Variants in KATNAL1 observed in about 807,000 individuals in gnomAD.
KATNAL1 encodes the protein katanin p60 ATPase-containing subunit A-like 1.
A neutral mutation model predicts 55.2 loss-of-function variants in KATNAL1; 32 were observed. The observed-to-expected ratio is 0.58, with a 90% CI of 0.44 to 0.78. The LOEUF is 0.78. Among genes scored for constraint, KATNAL1 ranks in the 30% least tolerant of loss-of-function variants. The pLI, the probability that KATNAL1 is intolerant of heterozygous loss-of-function variation, is 0.00. For missense variants in KATNAL1, 466 were observed against 600.9 expected, an observed-to-expected ratio of 0.78 and a Z score of 2.35; for synonymous variants, 193 against 193.6, an observed-to-expected ratio of 1.00 and a Z score of 0.02.
chr13:30,282,686 G>A (rs536291633), intron 2 of KATNAL1, among the ~76,000 whole-genome samples: 27 of 151,550 alleles, frequency 1.8e-4, no homozygotes, highest in Non-Finnish European at 2.9e-4. Context: ...CTGGCGTGGT[G>A]GCTCATGCTT....
intron 7 of KATNAL1, 151 bp downstream of exon 7, chr13:30,231,163 C>A: frequency 1.8e-6 from 1 of 541,952 alleles, no homozygotes. Context: ...CCACAAAACC[C>A]ATCACCCCAA....
chr13:30,262,388 T>G (rs1189323075), intron 3 of KATNAL1, among the ~76,000 whole-genome samples: 3 of 151,370 alleles, frequency 2.0e-5, no homozygotes, highest in African/African-American at 7.3e-5. Flanking sequence ...CTGAAGGAAA[T>G]AGAGACACAA....
rs114330398 is a variant in KATNAL1 at position 30,257,470 on chromosome 13, T to C, written c.324-1855A>G. Among the ~76,000 whole-genome samples the C allele has an allele frequency of 9.6e-3, 1,460 of 152,360 alleles. 22 individuals are homozygous for C. The highest frequency in any genetic ancestry group is 0.033 in the African/African-American group (1,361 of 41,594). ...CAACAGCAATCCCATCCCTCCCAGC[T>C]GGATGCCAGGCTGCTTGCCCATGGC... On this transcript the variant is annotated intron_variant, in intron 3 of 10. Coordinates refer to ENST00000380615, the MANE Select transcript of KATNAL1 (RefSeq NM_032116.5).
intron 3 of KATNAL1, among the ~76,000 whole-genome samples, chr13:30,276,351 T>C (rs1208913865): frequency 6.6e-6 from 1 of 152,172 alleles, no homozygotes; most frequent in Non-Finnish European, 1.5e-5. Flanking sequence ...ACAGATTACC[T>C]TGGTAGTCAG....
chr13:30,305,358 A>T (rs1460861551), intron 1 of KATNAL1, among the ~76,000 whole-genome samples: 1 of 152,260 alleles, frequency 6.6e-6, no homozygotes, highest in African/African-American at 2.4e-5. Context: ...CATTTGTCCT[A>T]GAATGACTTT....
At chr13:30,212,446 C>T (rs1873780179) in intron 9 of KATNAL1, among the ~76,000 whole-genome samples, 1 of 152,240 alleles carries the variant, frequency 6.6e-6, no homozygotes, top group African/African-American at 2.4e-5. Flanking sequence ...CCACTCTGTG[C>T]CTGGCTTGCC....
chr13:30,279,050 C>A (rs1881074685), intron 3 of KATNAL1, among the ~76,000 whole-genome samples: 1 of 152,158 alleles, frequency 6.6e-6, no homozygotes, highest in East Asian at 1.9e-4. Context: ...TAGAAAATTT[C>A]AACAGATGAT....
rs1872820226 is a variant in KATNAL1 at position 30,202,979 on chromosome 13, G to C, written c.*5561C>G. ...AAAAATGTGATGTTTTTCCAGGTTT[G>C]TGTGTTTTCATAAAGTTACTCAGGT... On this transcript the variant is annotated 3_prime_UTR_variant, in exon 11 of 11. Transcript: ENST00000380615. 6.6e-6 allele frequency: 1 copy of C among 152,180 alleles called. No individual in the cohort carries two copies. The highest frequency in any genetic ancestry group is 2.1e-4 in the South Asian group (1 of 4,828). 9.4% of individuals were successfully genotyped at this position (152,180 alleles called of 1,614,324 possible). A position where few individuals can be genotyped will look rare whatever the true frequency, so the allele number is the denominator to read the frequency against.
intron 4 of KATNAL1, among the ~76,000 whole-genome samples, chr13:30,251,769 A>C (rs1878343443): frequency 6.6e-6 from 1 of 152,218 alleles, no homozygotes; most frequent in South Asian, 2.1e-4. Flanking sequence ...TAACGTTTGT[A>C]TTTCTAGCAC....
rs143277319 is a variant in KATNAL1 at position 30,205,750 on chromosome 13, CTG to C, written c.*2788_*2789del. On this transcript the variant is annotated 3_prime_UTR_variant, in exon 11 of 11. Transcript: ENST00000380615. ...AACACACTGTCTTCTGCAATAAAGA[CTG>C]TGTGTGTGTGTGTGTGTGTGTGTGT... The C allele has an allele frequency of 0.21, 28,838 of 136,868 alleles. 2,920 individuals are homozygous for C. The highest frequency in any genetic ancestry group is 0.26 in the East Asian group (1,209 of 4,590). 8.5% of individuals were successfully genotyped at this position (136,868 alleles called of 1,614,324 possible).
At chr13:30,288,027 A>C (rs1290964457) in intron 1 of KATNAL1, among the ~76,000 whole-genome samples, 1 of 152,224 alleles carries the variant, frequency 6.6e-6, no homozygotes, top group Non-Finnish European at 1.5e-5. Flanking sequence ...AGGTTGACTA[A>C]GGAGAAGAAT....
In KATNAL1 at chr13:30,239,684, G is replaced by GTTTTTTTTTTTTTTTTTTTTT. The variant is rs1566100241; in HGVS notation, c.726+775_726+776insAAAAAAAAAAAAAAAAAAAAA. The stretch of plus-strand genomic sequence containing the variant: ...AGATATTTTGTAATGATACAGAAGT[G>GTTTTTTTTTTTTTTTTTTTTT]ATTTTTTTTTTTTTTTTTTTGAGAT... On this transcript the variant is annotated intron_variant, in intron 6 of 10. Coordinates refer to ENST00000380615, the MANE Select transcript of KATNAL1 (RefSeq NM_032116.5). 3.1e-5 allele frequency among the ~76,000 whole-genome samples: 4 copies of GTTTTTTTTTTTTTTTTTTTTT among 128,394 alleles called. 1 individual carries two copies. Among genetic ancestry groups the GTTTTTTTTTTTTTTTTTTTTT allele is most frequent in the Non-Finnish European group, 3.2e-5 (2 of 61,554 alleles). The allele number at this position is 128,394 out of a possible 152,430, so 84.2% of individuals were successfully genotyped here.
At chr13:30,259,177 T>C (rs577753665) in intron 3 of KATNAL1, among the ~76,000 whole-genome samples, 8 of 152,192 alleles carry the variant, frequency 5.3e-5, no homozygotes, top group African/African-American at 1.7e-4. Flanking sequence ...CTGTCTCTAC[T>C]AAAAATACAA....
At chr13:30,218,205 AAT>A (rs34056263) in intron 9 of KATNAL1, among the ~76,000 whole-genome samples, 24 of 139,486 alleles carry the variant, frequency 1.7e-4, no homozygotes, top group Non-Finnish European at 2.0e-4. Context: ...CAGTAAAAGG[AAT>A]ATATATATAT....
chr13:30,283,802 A>C lies in KATNAL1; in HGVS notation c.-14-11T>G, dbSNP rs750396167. ...TCTTCTTTCAGAGACCTAAACATAA[A>C]ATATAATGACTTTTTAAAAATTTTC... On this transcript the variant is annotated splice_polypyrimidine_tract_variant and intron_variant, in intron 1 of 10. Coordinates refer to ENST00000380615, the MANE Select transcript of KATNAL1 (RefSeq NM_032116.5). 1.3e-6 allele frequency: 2 copies of C among 1,575,920 alleles called. No homozygotes were observed. The highest frequency in any genetic ancestry group is 2.3e-5 in the East Asian group (1 of 44,318).
chr13:30,255,275 T>G (rs964659438), intron 4 of KATNAL1, among the ~76,000 whole-genome samples, 172 bp downstream of exon 4: 2 of 152,206 alleles, frequency 1.3e-5, no homozygotes, highest in Non-Finnish European at 2.9e-5. Flanking sequence ...CTGAGGTGAT[T>G]TGCATTGCAG....
intron 1 of KATNAL1, among the ~76,000 whole-genome samples, chr13:30,293,546 CAATT>C (rs1882280367): frequency 1.3e-5 from 2 of 152,174 alleles, no homozygotes; most frequent in South Asian, 4.1e-4. Flanking sequence ...AATTTTCATA[CAATT>C]AATTCCACTA....
At chr13:30,303,768 A>G (rs1345906876) in intron 1 of KATNAL1, among the ~76,000 whole-genome samples, 1 of 152,228 alleles carries the variant, frequency 6.6e-6, no homozygotes, top group African/African-American at 2.4e-5. Context: ...AGGCAAAAGT[A>G]CATTGGTATT....
rs536575140 is a variant in KATNAL1, at chr13:30,301,368, G to GA, written c.-15+5962dup. Among the ~76,000 whole-genome samples the GA allele has an allele frequency of 2.0e-5, 3 of 151,876 alleles. No individual in the cohort carries two copies. The South Asian group carries it at 6.2e-4, about 32-fold the overall frequency. ...GGGCGACAAGAGTGAGACTCTGTCT[G>GA]AAAAAAACAAACAAAAAAAACCCTA... On this transcript the variant is annotated intron_variant, in intron 1 of 10. Transcript: ENST00000380615.
Sources: allele counts gnomAD v4.1 joint callset (sites outside exome capture counted in the v4.1 genomes callset), GRCh38; gene constraint gnomAD v4.1.1; transcripts MANE v1.5; gene names NCBI Gene and HGNC (gene_info 2026-07-23, HGNC 2026-07-21).